GPC3: variants seen among roughly 807,000 people sequenced by gnomAD.
GPC3 encodes the protein glypican 3, also known as glypican-3.
In GPC3, 3 loss-of-function variants were observed where a neutral mutation model predicts 34.4. That is an observed-to-expected ratio of 0.09 (90% CI 0.04 to 0.23). GPC3 has a LOEUF of 0.23. Ranked by LOEUF, GPC3 falls within the 10% of genes least tolerant of loss-of-function variation. The pLI is 1.00. For synonymous variants in GPC3, 177 were observed against 174.0 expected, an observed-to-expected ratio of 1.02 and a Z score of -0.13; for missense variants, 351 against 445.6, an observed-to-expected ratio of 0.79 and a Z score of 1.91.
chrX:133,673,121 A>G (rs1402493228), intron 5 of GPC3, among the ~76,000 whole-genome samples: 1 of 108,382 alleles, frequency 9.2e-6, no homozygotes, highest in Admixed American at 9.9e-5. Context: ...TTGTATTTTT[A>G]GTAGAGACGG....
intron 2 of GPC3, among the ~76,000 whole-genome samples, chrX:133,864,268 G>A (rs910353570): frequency 9.0e-6 from 1 of 111,323 alleles, no homozygotes; most frequent in African/African-American, 3.3e-5. Flanking sequence ...TAAAGGGCAG[G>A]AAACCCAAAC....
intron 1 of GPC3, among the ~76,000 whole-genome samples, chrX:133,972,183 T>C (rs773766689): frequency 2.4e-4 from 27 of 112,387 alleles, no homozygotes; most frequent in Non-Finnish European, 4.5e-4. Flanking sequence ...AAATTAACAC[T>C]TGTATAAAAC....
At chrX:133,824,891 C>T (rs1053631246) in intron 2 of GPC3, among the ~76,000 whole-genome samples, 4 of 112,352 alleles carry the variant, frequency 3.6e-5, no homozygotes, top group African/African-American at 6.5e-5. Flanking sequence ...CTCTGTCGCC[C>T]GGGCTGGAGT....
intron 3 of GPC3, among the ~76,000 whole-genome samples, chrX:133,721,553 G>T (rs1027845353): frequency 1.8e-5 from 2 of 111,271 alleles, no homozygotes; most frequent in African/African-American, 6.5e-5. Context: ...AACATTCAAA[G>T]AATTAACACC....
At chrX:133,802,438 G>GT (rs944796600) in intron 2 of GPC3, among the ~76,000 whole-genome samples, 8 of 112,038 alleles carry the variant, frequency 7.1e-5, no homozygotes, top group Non-Finnish European at 1.1e-4. Flanking sequence ...AAACTGTGTG[G>GT]TTCTCAAGAC....
rs187971035 is a variant in GPC3 at position 133,641,685 on chromosome X, C to T, written c.1413+20045G>A. 2.9e-3 allele frequency among the ~76,000 whole-genome samples: 324 copies of T among 111,490 alleles called. 1 individual carries two copies. The highest frequency in any genetic ancestry group is 0.01 in the African/African-American group (308 of 30,722). On this transcript the variant is annotated intron_variant, in intron 6 of 7. Transcript: ENST00000370818. ...GTTGCAGTAAACAGCTTGTCCCACG[C>T]CTGGTGCTTCCTGGACCGTGGGCAT...
chrX:133,589,600 T>C (rs1569390103), intron 7 of GPC3, among the ~76,000 whole-genome samples: 1 of 110,670 alleles, frequency 9.0e-6, no homozygotes. Flanking sequence ...GGTCTTGAAC[T>C]CCCGACTTCA....
intron 2 of GPC3, among the ~76,000 whole-genome samples, chrX:133,785,157 GCA>G (rs2072088655): frequency 9.0e-6 from 1 of 111,349 alleles, no homozygotes; most frequent in African/African-American, 3.3e-5. Flanking sequence ...CACTGCTTGA[GCA>G]CAGACTTTTA....
At chrX:133,717,681 A>G (rs1271139449) in intron 3 of GPC3, among the ~76,000 whole-genome samples, 2 of 110,486 alleles carry the variant, frequency 1.8e-5, no homozygotes, top group Non-Finnish European at 3.8e-5. Flanking sequence ...GTTGTTGGAG[A>G]CGTGAGTCTT....
chrX:133,968,173 C>G (rs764836041), intron 1 of GPC3, among the ~76,000 whole-genome samples: 6 of 112,396 alleles, frequency 5.3e-5, no homozygotes, highest in Non-Finnish European at 7.5e-5. Flanking sequence ...GCCTTCGTGA[C>G]GTAGCATTCC....
intron 3 of GPC3, among the ~76,000 whole-genome samples, chrX:133,738,977 A>G (rs2071537526): frequency 8.9e-6 from 1 of 112,333 alleles, no homozygotes; most frequent in Admixed American, 9.5e-5. Flanking sequence ...TGCAAAGACT[A>G]GCAGGAACTT....
chrX:133,962,166 G>T (rs2076444466), intron 1 of GPC3, among the ~76,000 whole-genome samples: 1 of 112,011 alleles, frequency 8.9e-6, no homozygotes, highest in South Asian at 3.7e-4. Context: ...GATTCCCATG[G>T]GAAAGAATGT....
intron 7 of GPC3, among the ~76,000 whole-genome samples, chrX:133,584,358 C>T (rs1376901045): frequency 1.8e-5 from 2 of 112,001 alleles, no homozygotes; most frequent in Non-Finnish European, 3.8e-5. Flanking sequence ...CCAAGGAGTT[C>T]ACTGTTATTT....
chrX:133,836,548 C>T (rs1022193263), intron 2 of GPC3, among the ~76,000 whole-genome samples: 2 of 111,760 alleles, frequency 1.8e-5, no homozygotes, highest in Admixed American at 9.5e-5. Flanking sequence ...CTACATAAAG[C>T]TTCAATCAAG....
intron 3 of GPC3, among the ~76,000 whole-genome samples, chrX:133,706,578 A>T (rs2071221136): frequency 8.9e-6 from 1 of 112,529 alleles, no homozygotes; most frequent in Non-Finnish European, 1.9e-5. Flanking sequence ...AAGACATACA[A>T]GTGGCCAATA....
At chrX:133,976,520 A>C (rs1416264154) in intron 1 of GPC3, among the ~76,000 whole-genome samples, 5 of 112,362 alleles carry the variant, frequency 4.4e-5, no homozygotes, top group Non-Finnish European at 9.4e-5. Context: ...AAATCTATGA[A>C]TATAAATACA....
At chrX:133,589,507 G>T (rs1362856015) in intron 7 of GPC3, among the ~76,000 whole-genome samples, 1 of 111,378 alleles carries the variant, frequency 9.0e-6, no homozygotes, top group African/African-American at 3.3e-5. Context: ...CTCCCGAGGA[G>T]CTGGGATTAC....
chrX:133,635,768 C>G (rs1271796297), intron 6 of GPC3, among the ~76,000 whole-genome samples: 1 of 108,858 alleles, frequency 9.2e-6, no homozygotes. Flanking sequence ...GTTTCCTATG[C>G]TGTGAAATCA....
intron 7 of GPC3, among the ~76,000 whole-genome samples, chrX:133,552,049 A>G (rs190825365): frequency 1.4e-3 from 154 of 112,983 alleles, no homozygotes; most frequent in Non-Finnish European, 1.8e-3. Flanking sequence ...TTGAAAGATA[A>G]AGAACTTTCT....
Sources: gnomAD v4.1 joint callset for allele counts (sites outside exome capture counted in the v4.1 genomes callset) on GRCh38, gnomAD v4.1.1 for gene constraint, MANE v1.5 for transcripts, NCBI Gene and HGNC (gene_info 2026-07-23, HGNC 2026-07-21) for gene names.